The following OPCML variants were observed in gnomAD, a reference collection of about 807,000 sequenced individuals.
OPCML encodes opioid binding protein/cell adhesion molecule like.
OPCML carries 13 observed loss-of-function variants against 37.8 expected under a neutral mutation model. The observed-to-expected ratio is 0.34, with a 90% CI of 0.22 to 0.55. The LOEUF (loss-of-function observed/expected upper bound fraction) is 0.55. OPCML is among the 20% of genes least tolerant of loss of function. The pLI, the probability that OPCML is intolerant of heterozygous loss-of-function variation, is 0.91. For synonymous variants in OPCML, 176 were observed against 168.8 expected, an observed-to-expected ratio of 1.04 and a Z score of -0.33; for missense variants, 341 against 435.6, an observed-to-expected ratio of 0.78 and a Z score of 1.93.
At chr11:133,313,344 A>C (rs945404317) in intron 1 of OPCML, among the ~76,000 whole-genome samples, 2 of 152,238 alleles carry the variant, frequency 1.3e-5, no homozygotes, top group Non-Finnish European at 2.9e-5. Context: ...AAATAAATAG[A>C]CTGCAAATCA....
chr11:132,888,953 C>T (rs1460933088), intron 2 of OPCML, among the ~76,000 whole-genome samples: 2 of 152,012 alleles, frequency 1.3e-5, no homozygotes, highest in South Asian at 2.1e-4. Context: ...CAGCCCTAAA[C>T]TCTTAGAAAT....
intron 1 of OPCML, among the ~76,000 whole-genome samples, chr11:133,307,473 G>A (rs575882567): frequency 1.6e-4 from 24 of 152,086 alleles, no homozygotes; most frequent in Non-Finnish European, 2.2e-4. Context: ...GAGTACCCAC[G>A]GAAAAGACTA....
chr11:132,654,044 A>T (rs892723928), intron 3 of OPCML, among the ~76,000 whole-genome samples: 2 of 152,190 alleles, frequency 1.3e-5, no homozygotes, highest in African/African-American at 4.8e-5. Flanking sequence ...GGAAACTTTC[A>T]TTATCTTTAT....
intron 1 of OPCML, among the ~76,000 whole-genome samples, chr11:133,094,163 G>A (rs1948961171): frequency 6.6e-6 from 1 of 152,254 alleles, no homozygotes; most frequent in South Asian, 2.1e-4. Context: ...AGTGATGCGA[G>A]AGTAGCTGTT....
At chr11:132,960,209 C>T (rs1293053154) in intron 1 of OPCML, among the ~76,000 whole-genome samples, 1 of 152,194 alleles carries the variant, frequency 6.6e-6, no homozygotes, top group African/African-American at 2.4e-5. Context: ...ATTTAGCCGG[C>T]CCAATAACCG....
intron 3 of OPCML, among the ~76,000 whole-genome samples, chr11:132,604,139 A>T (rs1938115558): frequency 6.6e-6 from 1 of 152,152 alleles, no homozygotes; most frequent in Non-Finnish European, 1.5e-5. Context: ...TATAAAGATG[A>T]GCAAGAGCTC....
chr11:133,384,564 G>A (rs1423556692), intron 1 of OPCML, among the ~76,000 whole-genome samples: 1 of 152,210 alleles, frequency 6.6e-6, no homozygotes, highest in Admixed American at 6.5e-5. Context: ...TGAGATGCAA[G>A]TTAATTCATT....
At chr11:132,696,211 C>A (rs1943593391) in intron 2 of OPCML, among the ~76,000 whole-genome samples, 2 of 152,276 alleles carry the variant, frequency 1.3e-5, no homozygotes, top group South Asian at 4.1e-4. Flanking sequence ...GTGCCACCTG[C>A]CCATAAATGA....
intron 2 of OPCML, among the ~76,000 whole-genome samples, chr11:132,683,854 G>T (rs1233428398): frequency 6.6e-6 from 1 of 152,080 alleles, no homozygotes; most frequent in African/African-American, 2.4e-5. Context: ...TTTGCCCTCT[G>T]TGAAATGATG....
intron 1 of OPCML, chr11:133,420,508 T>C: frequency 2.0e-6 from 2 of 983,836 alleles, no homozygotes; most frequent in Non-Finnish European, 2.4e-6. Context: ...TCTGGCCTCA[T>C]TGGTGTTAAC....
At chr11:132,975,202 A>T (rs988494594) in intron 1 of OPCML, among the ~76,000 whole-genome samples, 3 of 152,044 alleles carry the variant, frequency 2.0e-5, no homozygotes. Context: ...AAAGAAAGAA[A>T]ATATAACAAA....
At chr11:132,552,926 T>C (rs2137441420) in intron 3 of OPCML, among the ~76,000 whole-genome samples, 1 of 151,904 alleles carries the variant, frequency 6.6e-6, no homozygotes, top group East Asian at 1.9e-4. Context: ...CCACCATGCC[T>C]GGCTAATTTT....
At chr11:132,601,148 C>T (rs1273296889) in intron 3 of OPCML, among the ~76,000 whole-genome samples, 1 of 152,082 alleles carries the variant, frequency 6.6e-6, no homozygotes, top group Non-Finnish European at 1.5e-5. Flanking sequence ...ACAAAAAATT[C>T]TGTAGCACCA....
At chr11:133,159,872 G>T (rs1436362661) in intron 1 of OPCML, among the ~76,000 whole-genome samples, 1 of 152,174 alleles carries the variant, frequency 6.6e-6, no homozygotes, top group Non-Finnish European at 1.5e-5. Context: ...TCACCTCTCT[G>T]AGGAACATTT....
Position 132,858,003 on chromosome 11 carries a change from C to T in OPCML, c.146+84923G>A, listed in dbSNP as rs541869433. On this transcript the variant is annotated intron_variant, in intron 2 of 7. Transcript: ENST00000524381. Reference sequence around the variant, plus strand: ...GGACAGTGTGGCGTCCTTAGGAAGCCGGTGGGTTATGTGAACACAGAGAGA... The same window carrying T: ...GGACAGTGTGGCGTCCTTAGGAAGCTGGTGGGTTATGTGAACACAGAGAGA... 9.2e-5 allele frequency among the ~76,000 whole-genome samples: 14 copies of T among 152,118 alleles called. 1 individual carries two copies. The highest frequency in any genetic ancestry group is 2.6e-4 in the Admixed American group (4 of 15,274).
chr11:133,159,286 G>A (rs1461337633), intron 1 of OPCML, among the ~76,000 whole-genome samples: 2 of 152,180 alleles, frequency 1.3e-5, no homozygotes, highest in African/African-American at 4.8e-5. Flanking sequence ...CTGTGGAAAG[G>A]GAGAGGTCAG....
chr11:133,348,295 G>A (rs1355390266), intron 1 of OPCML, among the ~76,000 whole-genome samples: 1 of 152,220 alleles, frequency 6.6e-6, no homozygotes, highest in East Asian at 1.9e-4. Flanking sequence ...TATCTCAGCT[G>A]TGAGCTGCTT....
chr11:132,552,200 T>G (rs1274734240), intron 3 of OPCML, among the ~76,000 whole-genome samples: 2 of 152,224 alleles, frequency 1.3e-5, no homozygotes. Context: ...GCTGCCGTTT[T>G]GGGAACCACC....
intron 1 of OPCML, among the ~76,000 whole-genome samples, chr11:133,073,614 G>A (rs770047285): frequency 5.0e-4 from 76 of 152,210 alleles, no homozygotes; most frequent in Non-Finnish European, 9.7e-4. Context: ...ATTTACCCCT[G>A]AGTTCTCCAC....
Sources: allele counts gnomAD v4.1 joint callset (sites outside exome capture counted in the v4.1 genomes callset), GRCh38; gene constraint gnomAD v4.1.1; transcripts MANE v1.5; gene names NCBI Gene and HGNC (gene_info 2026-07-23, HGNC 2026-07-21).